ASPSCR1: variants seen among roughly 807,000 people sequenced by gnomAD.
ASPSCR1 encodes ASPSCR1 tether for SLC2A4, UBX domain containing.
A neutral mutation model predicts 68.9 loss-of-function variants in ASPSCR1; 55 were observed. The observed-to-expected ratio is 0.80, with a 90% CI of 0.64 to 1.00. ASPSCR1 has a LOEUF of 1.00. Among genes scored for constraint, ASPSCR1 ranks in the 50% least tolerant of loss-of-function variants. ASPSCR1 has a pLI of 0.00. For synonymous variants in ASPSCR1, 352 were observed against 332.6 expected, an observed-to-expected ratio of 1.06 and a Z score of -0.63; for missense variants, 765 against 762.2, an observed-to-expected ratio of 1.00 and a Z score of -0.04.
intron 12 of ASPSCR1, among the ~76,000 whole-genome samples, chr17:82,012,658 A>C (rs966265021): frequency 2.0e-5 from 3 of 152,142 alleles, no homozygotes; most frequent in Admixed American, 2.0e-4. Context: ...AGGGAGCCCC[A>C]GAGGGACCAG....
intron 9 of ASPSCR1, among the ~76,000 whole-genome samples, chr17:82,010,482 TCA>T (rs2042895405): frequency 4.3e-5 from 6 of 140,302 alleles, no homozygotes; most frequent in Non-Finnish European, 7.5e-5. Context: ...TGAGCCGAGA[TCA>T]TGCCACTGCA....
At chr17:82,003,023 C>T (rs1372884591) in intron 7 of ASPSCR1, among the ~76,000 whole-genome samples, 2 of 151,798 alleles carry the variant, frequency 1.3e-5, no homozygotes, top group East Asian at 1.9e-4. Context: ...TACAGGTGCC[C>T]GTTTAGTAGA....
At chr17:81,988,200 C>T (rs2042056663) in intron 4 of ASPSCR1, among the ~76,000 whole-genome samples, 1 of 150,626 alleles carries the variant, frequency 6.6e-6, no homozygotes, top group African/African-American at 2.4e-5. Context: ...ATGGCTCACG[C>T]CTGTAATTCC....
rs1567948187 is a variant in ASPSCR1, at chr17:81,977,917, T to G, written c.102+169T>G. ...TGCTCGCCGTCACCTGCGCTTCCGC[T>G]GGGGTCCCGGGGGTCCCGGGGGTCC... On this transcript the variant is annotated intron_variant, in intron 1 of 15. Coordinates refer to ENST00000306739, the MANE Select transcript of ASPSCR1 (RefSeq NM_024083.4). This position sits in a 1 kb window ranked among gnomAD's most constrained non-coding sequence, Gnocchi z 5.0. The G allele has an allele frequency of 4.7e-6, 2 of 425,780 alleles. No individual in the cohort carries two copies. Among genetic ancestry groups the G allele is most frequent in the Admixed American group, 4.9e-5 (1 of 20,302 alleles). 26.4% of individuals were successfully genotyped at this position (425,780 alleles called of 1,614,324 possible). A position where few individuals can be genotyped will look rare whatever the true frequency, so the allele number is the denominator to read the frequency against.
rs781378946 is a variant in ASPSCR1 at position 82,009,470 on chromosome 17, C to T, written c.1089-16C>T. On this transcript the variant is annotated splice_polypyrimidine_tract_variant and intron_variant, in intron 8 of 15. Coordinates refer to ENST00000306739, the MANE Select transcript of ASPSCR1 (RefSeq NM_024083.4). ...ATTCTGACCAGAAGCCCTGTTCCTT[C>T]CCCTCCTCACCACAGGAAGCGCCTG... 1 of 1,565,018 alleles carries T rather than the reference C, an allele frequency of 6.4e-7. No homozygotes were observed. Among genetic ancestry groups the T allele is most frequent in the Non-Finnish European group, 8.7e-7 (1 of 1,154,686 alleles).
At chr17:81,993,822 C>T (rs566326847) in intron 4 of ASPSCR1, among the ~76,000 whole-genome samples, 1 of 152,378 alleles carries the variant, frequency 6.6e-6, no homozygotes, top group African/African-American at 2.4e-5. Flanking sequence ...CCTGTCCCAC[C>T]TGAGCCCTTG....
chr17:81,996,722 C>T lies in ASPSCR1; in HGVS notation c.809C>T (p.Pro270Leu), dbSNP rs759294150. 17 of 1,613,428 alleles carry T rather than the reference C, an allele frequency of 1.1e-5. No homozygotes were observed. The highest frequency in any genetic ancestry group is 6.7e-5 in the African/African-American group (5 of 74,930). ...RPLTSSSAKL[P>L]KSLSSPGGPS... ...CTGACATCATCTTCAGCTAAGTTGCCGAAGTCCCTCTCCAGCCCTGGAGGC... is the reference window on the plus strand; with the variant it reads ...CTGACATCATCTTCAGCTAAGTTGCTGAAGTCCCTCTCCAGCCCTGGAGGC... The change falls in exon 7 of 16, where the codon CCG becomes CTG. Residue 270 changes from proline (P) to leucine (L), a missense_variant. Physicochemically the swap from Pro to Leu is moderately conservative, Grantham distance 98. Transcript: ENST00000306739.
intron 7 of ASPSCR1, among the ~76,000 whole-genome samples, chr17:82,002,003 C>CTTTTTTTTTTTTT (rs71166183): frequency 1.1e-5 from 1 of 93,806 alleles, no homozygotes; most frequent in Non-Finnish European, 2.0e-5. Context: ...TTTCTTTTTC[C>CTTTTTTTTTTTTT]TTTTTTTTTT....
rs180879213 is a variant in ASPSCR1, at chr17:81,992,186, G to A, written c.375-2635G>A. ...TGGCTTGGCCTGGCCTGGGGTCCCC[G>A]GGAGGCCCTGGGTCTTGCCCCTGCG... On this transcript the variant is annotated intron_variant, in intron 4 of 15. Transcript: ENST00000306739. Among the ~76,000 whole-genome samples, 304 of 152,358 alleles carry A rather than the reference G, an allele frequency of 2.0e-3. 1 individual carries two copies. The highest frequency in any genetic ancestry group is 6.3e-3 in the African/African-American group (262 of 41,592).
At chr17:81,988,829 T>G (rs540784253) in intron 4 of ASPSCR1, among the ~76,000 whole-genome samples, 139 of 152,314 alleles carry the variant, frequency 9.1e-4, no homozygotes, top group Non-Finnish European at 1.5e-3. Context: ...AGTGTGCAGC[T>G]GGAGGCCTTT....
chr17:82,009,334 T>C (rs542815063), intron 8 of ASPSCR1, 143 bp downstream of exon 8: 177 of 1,387,824 alleles, frequency 1.3e-4, no homozygotes, highest in Non-Finnish European at 1.6e-4. Context: ...CCTCAGAGGG[T>C]TGGGGCCCAG....
In ASPSCR1 at chr17:81,996,614, C is replaced by T. The variant is rs2042350884; in HGVS notation, c.701C>T (p.Thr234Ile). 1 of 1,611,630 alleles carries T rather than the reference C, an allele frequency of 6.2e-7. No individual in the cohort carries two copies. The highest frequency in any genetic ancestry group is 1.1e-5 in the South Asian group (1 of 90,998). The change falls in exon 7 of 16, where the codon ACA (threonine) becomes ATA (isoleucine). Residue 234 changes from threonine (T) to isoleucine (I), a missense_variant. Thr to Ile is a moderately conservative substitution (Grantham distance 89). Transcript: ENST00000306739. ...CCEHTQEKQSTRAPAAAPFVP... is the reference protein window; with the variant it reads ...CCEHTQEKQSIRAPAAAPFVP... ...GAGCACACTCAGGAGAAGCAGAGCA[C>T]AAGGGCACCCGCAGCTGCCCCCTTT...
chr17:82,003,404 C>T (rs1439780651), intron 7 of ASPSCR1, among the ~76,000 whole-genome samples: 2 of 152,224 alleles, frequency 1.3e-5, no homozygotes, highest in African/African-American at 4.8e-5. Flanking sequence ...GCTGAGATTG[C>T]ACTGCTGCAC....
At chr17:81,995,853 C>T in intron 5 of ASPSCR1, 139 bp from the exon 6 acceptor site, 1 of 803,288 alleles carries the variant, frequency 1.2e-6, no homozygotes, top group Non-Finnish European at 2.1e-6. Context: ...CCGGCAGGGG[C>T]CAGATGTGGG....
chr17:82,010,147 CCTG>C (rs2144089958), intron 9 of ASPSCR1: 1 of 275,692 alleles, frequency 3.6e-6, no homozygotes, highest in East Asian at 1.6e-4. Context: ...GTCTCGAACT[CCTG>C]ACCTCAGGTG....
rs562086610 is a variant in ASPSCR1 at position 81,979,836 on chromosome 17, G to A, written c.158+597G>A. Among the ~76,000 whole-genome samples the A allele has an allele frequency of 3.0e-4, 46 of 152,300 alleles. 1 individual carries two copies. In the South Asian group the frequency reaches 9.5e-3, roughly 32 times the overall value. On this transcript the variant is annotated intron_variant, in intron 2 of 15. Coordinates refer to ENST00000306739, the MANE Select transcript of ASPSCR1 (RefSeq NM_024083.4). ...AATTACACGTACGCTTCTGTGTGGG[G>A]ATATTGTTCCCAAGAGAGGGCTTCT...
chr17:82,012,202 C>T, intron 11 of ASPSCR1, 29 bp from the exon 12 acceptor site: 2 of 1,610,180 alleles, frequency 1.2e-6, no homozygotes, highest in Non-Finnish European at 1.7e-6. Context: ...CACGGTGCTT[C>T]CTAACACGTA....
chr17:82,016,959 C>T lies in ASPSCR1; in HGVS notation c.1494C>T (p.Ala498=), dbSNP rs540833554. ...CCCACAGGTACATGTCCAGGGCCGC[C>T]GGGTCCCCTTCCCCATTGCCAGCCC... ...VLVARYMSRA[A]GSPSPLPAPD... is the part of the protein sequence containing the mutation. The change falls in exon 15 of 16, where the codon GCC becomes GCT. Residue 498 remains alanine (A), a synonymous_variant. Transcript: ENST00000306739. The T allele has an allele frequency of 2.6e-5, 42 of 1,611,642 alleles. No homozygotes were observed. The highest frequency in any genetic ancestry group is 4.0e-5 in the African/African-American group (3 of 75,014).
chr17:81,984,086 C>T (rs1173245809), intron 3 of ASPSCR1, among the ~76,000 whole-genome samples: 1 of 152,044 alleles, frequency 6.6e-6, no homozygotes, highest in Non-Finnish European at 1.5e-5. Context: ...CTGCTGACCT[C>T]ATGATCTACC....
Sources: gnomAD v4.1 joint callset for allele counts (sites outside exome capture counted in the v4.1 genomes callset) on GRCh38, gnomAD v4.1.1 for gene constraint, Gnocchi (gnomAD v3.1) non-coding constraint, MANE v1.5 for transcripts, NCBI Gene and HGNC (gene_info 2026-07-23, HGNC 2026-07-21) for gene names.